Variants in ATP2C1 observed in about 807,000 individuals in gnomAD.
ATP2C1 encodes calcium-transporting ATPase type 2C member 1.
Under a neutral mutation model 120.5 loss-of-function variants are expected in ATP2C1, and 31 were observed. The observed-to-expected ratio is 0.26, with a 90% CI of 0.19 to 0.35. The LOEUF (loss-of-function observed/expected upper bound fraction) is 0.35. ATP2C1 is among the 10% of genes least tolerant of loss of function. The pLI is 1.00. For synonymous variants in ATP2C1, 351 were observed against 358.7 expected (o/e 0.98, Z 0.24); for missense variants, 731 against 1,107.5 (o/e 0.66, Z 4.83).
At chr3:131,004,598 TG>T (rs143816120), downstream of ATP2C1, among the ~76,000 whole-genome samples, 2,079 of 152,142 alleles carry the variant, frequency 0.014, 43 homozygotes, top group African/African-American at 0.048. Flanking sequence ...TCCACTAGAG[TG>T]GTAAATGCTG....
intron 1 of ATP2C1, among the ~76,000 whole-genome samples, chr3:130,882,274 T>A (rs1035746305): frequency 2.0e-5 from 3 of 151,916 alleles, no homozygotes; most frequent in Non-Finnish European, 4.4e-5. Context: ...CTTGGATCAC[T>A]ACAACCTCCA....
At chr3:130,990,710 T>C (rs2062293105) in intron 20 of ATP2C1, among the ~76,000 whole-genome samples, 2 of 152,102 alleles carry the variant, frequency 1.3e-5, no homozygotes, top group South Asian at 4.2e-4. Context: ...GAAAATCAGT[T>C]TGGAGGTATT....
At chr3:130,929,121 A>G (rs148803486) in intron 2 of ATP2C1, among the ~76,000 whole-genome samples, 92 of 152,312 alleles carry the variant, frequency 6.0e-4, no homozygotes, top group African/African-American at 1.9e-3. Flanking sequence ...AGTAATTTGC[A>G]GTAAAGAAAG....
intron 10 of ATP2C1, 154 bp from the exon 11 acceptor site, chr3:130,955,950 T>G: frequency 1.6e-6 from 1 of 616,072 alleles, no homozygotes; most frequent in Non-Finnish European, 3.0e-6. Context: ...AATCTAAGTC[T>G]CAGTTTTCTC....
intron 8 of ATP2C1, among the ~76,000 whole-genome samples, chr3:130,945,812 T>G (rs559833849): frequency 3.1e-4 from 47 of 152,214 alleles, no homozygotes; most frequent in Non-Finnish European, 5.9e-4. Context: ...ATTTTTGGTG[T>G]TGTTCCAGGT....
At chr3:130,898,348 A>G (rs2069826549) in intron 2 of ATP2C1, among the ~76,000 whole-genome samples, 1 of 152,200 alleles carries the variant, frequency 6.6e-6, no homozygotes, top group Non-Finnish European at 1.5e-5. Flanking sequence ...TTAATCAGCT[A>G]GGAATGTCTC....
intron 2 of ATP2C1, among the ~76,000 whole-genome samples, chr3:130,907,252 C>G (rs139642706): frequency 6.6e-6 from 1 of 151,996 alleles, no homozygotes; most frequent in African/African-American, 2.4e-5. Flanking sequence ...TGTGGATTAC[C>G]TGTTCACTTT....
At chr3:130,867,985 G>C (rs1463063231) in intron 1 of ATP2C1, 65 of 175,348 alleles carry the variant, frequency 3.7e-4, no homozygotes, top group African/African-American at 1.7e-3. Context: ...CGGCCGCTCC[G>C]TCTGAGAAGT....
At chr3:130,867,752 T>A (rs1392995029) in intron 1 of ATP2C1, among the ~76,000 whole-genome samples, 1 of 45,128 alleles carries the variant, frequency 2.2e-5, no homozygotes, top group Non-Finnish European at 5.9e-5. Flanking sequence ...TGGCCACCCA[T>A]CGTCTGGGAT....
At chr3:130,976,814 A>G (rs1394524887) in intron 18 of ATP2C1, among the ~76,000 whole-genome samples, 1 of 152,152 alleles carries the variant, frequency 6.6e-6, no homozygotes, top group Non-Finnish European at 1.5e-5. Context: ...ACCTAAGAAT[A>G]GCAGGATCTC....
At position 130,894,565 on chromosome 3, in the gene ATP2C1, C is replaced by T. The variant is rs2069411154; in HGVS notation, c.-180-25C>T. On this transcript the variant is annotated intron_variant, in intron 1 of 27. Coordinates refer to ENST00000510168, the MANE Select transcript of ATP2C1 (RefSeq NM_001378687.1). The surrounding 1 kb of genome is among the most constrained non-coding windows in gnomAD (Gnocchi z 4.5). The stretch of plus-strand genomic sequence containing the variant: ...CTCCTTCCTCAGCCTCTCGTCAGCG[C>T]CGCTTCTCCTGGTTTCTCTTGCAGA... 3 of 1,431,232 alleles carry T rather than the reference C, an allele frequency of 2.1e-6. No individual in the cohort carries two copies. In the African/African-American group the frequency reaches 4.3e-5, roughly 21 times the overall value. The allele number at this position is 1,431,232 out of a possible 1,614,324, so 88.7% of individuals were successfully genotyped here. A position where few individuals can be genotyped will look rare whatever the true frequency, so the allele number is the denominator to read the frequency against.
upstream of ATP2C1, among the ~76,000 whole-genome samples, chr3:130,889,638 CTTTTTTTT>C (rs1170424148): frequency 6.4e-5 from 5 of 77,650 alleles, no homozygotes; most frequent in Non-Finnish European, 9.2e-5. Flanking sequence ...ATTCTTTAAA[CTTTTTTTT>C]TTTTTTTTTT....
chr3:130,874,402 G>C (rs1430768672), intron 1 of ATP2C1, among the ~76,000 whole-genome samples: 1 of 152,064 alleles, frequency 6.6e-6, no homozygotes, highest in African/African-American at 2.4e-5. Context: ...ACTTCCTATT[G>C]ATTAACATCG....
intron 1 of ATP2C1, among the ~76,000 whole-genome samples, chr3:130,878,774 G>C (rs1194294684): frequency 6.6e-6 from 1 of 152,088 alleles, no homozygotes; most frequent in Non-Finnish European, 1.5e-5. Context: ...GATTCCTTTA[G>C]ATATGACTTG....
At chr3:130,986,782 C>T (rs1370306789) in intron 20 of ATP2C1, among the ~76,000 whole-genome samples, 1 of 152,186 alleles carries the variant, frequency 6.6e-6, no homozygotes, top group African/African-American at 2.4e-5. Flanking sequence ...CCCCCACCCT[C>T]ATCTTGTCTT....
intron 2 of ATP2C1, among the ~76,000 whole-genome samples, chr3:130,915,673 G>A (rs1280665318): frequency 2.0e-5 from 3 of 152,082 alleles, no homozygotes; most frequent in Non-Finnish European, 2.9e-5. Flanking sequence ...TCGGTTCAGG[G>A]TTGTCGCAAG....
intron 1 of ATP2C1, among the ~76,000 whole-genome samples, chr3:130,887,919 A>G (rs1399968920): frequency 6.6e-6 from 1 of 152,144 alleles, no homozygotes; most frequent in Non-Finnish European, 1.5e-5. Flanking sequence ...CATAGCCACC[A>G]CAGCTGGCAA....
rs761539422 is a variant in ATP2C1, at chr3:130,980,699, T to A, written c.1839+20T>A. The A allele has an allele frequency of 6.4e-7, 1 of 1,568,058 alleles. No individual in the cohort carries two copies. Among genetic ancestry groups the A allele is most frequent in the South Asian group, 1.1e-5 (1 of 90,100 alleles). ...CCAAAGGTAGGCCTAAACTAAAGCC[T>A]TTTGGACTGAAAGGCCTTATTCTAA... On this transcript the variant is annotated intron_variant, in intron 20 of 27. Coordinates refer to ENST00000510168, the MANE Select transcript of ATP2C1 (RefSeq NM_001378687.1).
intron 1 of ATP2C1, among the ~76,000 whole-genome samples, chr3:130,881,927 T>C (rs1344589535): frequency 6.6e-6 from 1 of 152,358 alleles, no homozygotes; most frequent in East Asian, 1.9e-4. Context: ...TTATTGACTT[T>C]ATTTACCAGT....
Sources: gnomAD v4.1 joint callset for allele counts (sites outside exome capture counted in the v4.1 genomes callset) on GRCh38, gnomAD v4.1.1 for gene constraint, Gnocchi (gnomAD v3.1) non-coding constraint, MANE v1.5 for transcripts, NCBI Gene and HGNC (gene_info 2026-07-23, HGNC 2026-07-21) for gene names.